Variants in NFIA observed in about 807,000 individuals in gnomAD.
The protein encoded by NFIA is nuclear factor I A.
A neutral mutation model predicts 62.8 loss-of-function variants in NFIA; 8 were observed. The ratio of observed to expected loss-of-function variants is 0.13; its 90% confidence interval spans 0.07 to 0.23. NFIA has a LOEUF of 0.23. NFIA is among the 10% of genes least tolerant of loss of function. NFIA has a pLI of 1.00. For synonymous variants in NFIA, 235 were observed against 238.1 expected (o/e 0.99, Z 0.12); for missense variants, 410 against 642.1 (o/e 0.64, Z 3.91).
At chr1:61,294,086 G>T (rs1659052327) in intron 3 of NFIA, among the ~76,000 whole-genome samples, 1 of 152,262 alleles carries the variant, frequency 6.6e-6, no homozygotes, top group Admixed American at 6.5e-5. Flanking sequence ...CTGACCACTT[G>T]GTCACTTTGA....
chr1:61,427,578 G>T (rs1191696762), intron 10 of NFIA, among the ~76,000 whole-genome samples: 1 of 152,158 alleles, frequency 6.6e-6, no homozygotes, highest in Non-Finnish European at 1.5e-5. Flanking sequence ...GAATGGGATA[G>T]ATTTGCCTTC....
Position 61,330,436 on chromosome 1 carries a change from A to ACC in NFIA, c.626-2069_626-2068dup, listed in dbSNP as rs56688086. On this transcript the variant is annotated intron_variant, in intron 3 of 10. Transcript: ENST00000403491. The stretch of plus-strand genomic sequence containing the variant: ...ATAAAATAACTTAGGAAATAGATAC[A>ACC]CCCCCCCCACACACACACACACACG... 3.3e-3 allele frequency among the ~76,000 whole-genome samples: 211 copies of ACC among 63,506 alleles called. 6 individuals carry two copies. Among genetic ancestry groups the ACC allele is most frequent in the African/African-American group, 9.1e-3 (182 of 20,030 alleles). 41.7% of individuals were successfully genotyped at this position (63,506 alleles called of 152,430 possible).
chr1:61,345,518 C>G (rs1447197695), intron 4 of NFIA, among the ~76,000 whole-genome samples: 3 of 152,144 alleles, frequency 2.0e-5, no homozygotes, highest in Non-Finnish European at 4.4e-5. Context: ...TTCCCCAGTG[C>G]TCAGGCTGCA....
intron 3 of NFIA, among the ~76,000 whole-genome samples, chr1:61,291,496 T>G (rs1325920169): frequency 6.6e-6 from 1 of 152,244 alleles, no homozygotes; most frequent in Admixed American, 6.5e-5. Flanking sequence ...TGTGGTCAAA[T>G]AATACTATGT....
chr1:61,222,976 C>G (rs1448037523), intron 2 of NFIA, among the ~76,000 whole-genome samples: 1 of 151,852 alleles, frequency 6.6e-6, no homozygotes, highest in Non-Finnish European at 1.5e-5. Context: ...CAATTTAAAC[C>G]AAAATAACTT....
intron 10 of NFIA, among the ~76,000 whole-genome samples, chr1:61,453,015 G>A (rs1668129647): frequency 6.6e-6 from 1 of 152,152 alleles, no homozygotes; most frequent in Non-Finnish European, 1.5e-5. Flanking sequence ...AAAGAAAAGT[G>A]TGCAGAGTGA....
chr1:61,132,457 G>C (rs1437351919), intron 2 of NFIA, among the ~76,000 whole-genome samples: 2 of 152,156 alleles, frequency 1.3e-5, no homozygotes, highest in Non-Finnish European at 2.9e-5. Flanking sequence ...ATCAAGAAAT[G>C]AGCATTTTCT....
Position 61,088,828 on chromosome 1 carries a change from C to T in NFIA, c.559+148C>T. 2.3e-6 allele frequency: 2 copies of T among 872,860 alleles called. No individual in the cohort carries two copies. Among genetic ancestry groups the T allele is most frequent in the Non-Finnish European group, 3.4e-6 (2 of 580,286 alleles). 54.1% of individuals were successfully genotyped at this position (872,860 alleles called of 1,614,324 possible). ...TGGTTTCAAAGATTGAGAGAGGTGC[C>T]ACCTTCATTCAGGTGAAAAAGCATA... On this transcript the variant is annotated intron_variant, in intron 2 of 10. Transcript: ENST00000403491. This position sits in a 1 kb window ranked among gnomAD's most constrained non-coding sequence, Gnocchi z 4.5.
chr1:61,183,899 T>G (rs1177313912), intron 2 of NFIA, among the ~76,000 whole-genome samples: 1 of 151,852 alleles, frequency 6.6e-6, no homozygotes, highest in Non-Finnish European at 1.5e-5. Flanking sequence ...AACGTACACG[T>G]GCGCAAACTT....
At chr1:61,090,818 C>T (rs780017466) in intron 2 of NFIA, among the ~76,000 whole-genome samples, 1 of 152,104 alleles carries the variant, frequency 6.6e-6, no homozygotes, top group Non-Finnish European at 1.5e-5. Context: ...CTTCTCTGTG[C>T]GCGCAACAGG....
chr1:61,255,092 TC>T (rs1656297090), intron 2 of NFIA, among the ~76,000 whole-genome samples: 1 of 152,196 alleles, frequency 6.6e-6, no homozygotes, highest in Non-Finnish European at 1.5e-5. Context: ...GGATACAGCT[TC>T]CTTCTGTTTT....
upstream of NFIA, among the ~76,000 whole-genome samples, chr1:61,078,843 T>G (rs951702723): frequency 6.6e-6 from 1 of 152,130 alleles, no homozygotes; most frequent in Non-Finnish European, 1.5e-5. Flanking sequence ...TTAGTTGGAG[T>G]CTGGCCTCTT....
chr1:61,238,741 G>A (rs547746387), intron 2 of NFIA, among the ~76,000 whole-genome samples: 133 of 152,216 alleles, frequency 8.7e-4, no homozygotes, highest in Middle Eastern at 3.4e-3. Flanking sequence ...AATCAATAGC[G>A]TGGTCGATAG....
At chr1:61,377,232 A>T (rs1237444540) in intron 6 of NFIA, among the ~76,000 whole-genome samples, 1 of 151,930 alleles carries the variant, frequency 6.6e-6, no homozygotes, top group African/African-American at 2.4e-5. Context: ...CAAAAAAAAG[A>T]AAGAAAGAGA....
chr1:61,221,498 A>G (rs991010267), intron 2 of NFIA, among the ~76,000 whole-genome samples: 1 of 152,210 alleles, frequency 6.6e-6, no homozygotes, highest in African/African-American at 2.4e-5. Context: ...AAGAATAAAT[A>G]GACCTTCCAT....
At chr1:61,214,208 T>A (rs1653457548) in intron 2 of NFIA, among the ~76,000 whole-genome samples, 1 of 152,120 alleles carries the variant, frequency 6.6e-6, no homozygotes, top group African/African-American at 2.4e-5. Context: ...TCCATCTTTG[T>A]GGTCAGGAGG....
Position 61,406,686 on chromosome 1 carries a change from C to T in NFIA, c.1379C>T (p.Thr460Ile). 6.2e-7 allele frequency: 1 copy of T among 1,613,108 alleles called. No homozygotes were observed. The highest frequency in any genetic ancestry group is 8.5e-7 in the Non-Finnish European group (1 of 1,179,622). The change falls in exon 9 of 11, where the codon ACC becomes ATC. Residue 460 changes from threonine (T) to isoleucine (I), a missense_variant. Thr to Ile is a moderately conservative substitution (Grantham distance 89). Around this residue, in one of 3 missense-constraint regions of NFIA, gnomAD observed 298 missense variants for 438.1 expected, o/e 0.68. Coordinates refer to ENST00000403491, the MANE Select transcript of NFIA (RefSeq NM_001134673.4). ...PLPVPDTKPP[T>I]TSTEGGAASP... Reference sequence around the variant, plus strand: ...CCGGTGCCAGACACAAAGCCTCCAACCACGTCAACAGAAGGAGGTGCAGCC... The same window carrying T: ...CCGGTGCCAGACACAAAGCCTCCAATCACGTCAACAGAAGGAGGTGCAGCC...
chr1:61,436,981 G>A (rs1287140301), intron 10 of NFIA, among the ~76,000 whole-genome samples: 1 of 152,144 alleles, frequency 6.6e-6, no homozygotes, highest in East Asian at 1.9e-4. Flanking sequence ...AGGCTGTTCT[G>A]GCCCTGTGTT....
At chr1:61,184,142 AC>A (rs1399235791) in intron 2 of NFIA, among the ~76,000 whole-genome samples, 4 of 138,762 alleles carry the variant, frequency 2.9e-5, no homozygotes, top group African/African-American at 5.6e-5. Context: ...AAAAAAAAAA[AC>A]CCAAAAAAAC....
Sources: allele counts gnomAD v4.1 joint callset (sites outside exome capture counted in the v4.1 genomes callset), GRCh38; gene constraint gnomAD v4.1.1; regional missense constraint gnomAD v4.1.1; non-coding constraint Gnocchi (gnomAD v3.1); transcripts MANE v1.5; gene names NCBI Gene and HGNC (gene_info 2026-07-23, HGNC 2026-07-21).